KIAA2012: variants seen among roughly 807,000 people sequenced by gnomAD.
The protein encoded by KIAA2012 is KIAA2012.
In KIAA2012, 125 loss-of-function variants were observed where a neutral mutation model predicts 150.6. That is an observed-to-expected ratio of 0.83 (90% CI 0.72 to 0.96). The LOEUF (loss-of-function observed/expected upper bound fraction) is 0.96. KIAA2012 is among the 40% of genes least tolerant of loss of function. The probability of loss-of-function intolerance (pLI) is 0.00; values close to 1 mark genes in which losing one functional copy is unlikely to be tolerated. For synonymous variants in KIAA2012, 462 were observed against 504.7 expected (o/e 0.92, Z 1.13); for missense variants, 1,219 against 1,354.9 (o/e 0.90, Z 1.57).
intron 13 of KIAA2012, among the ~76,000 whole-genome samples, chr2:202,141,858 A>G (rs1256787204): frequency 6.6e-6 from 1 of 152,192 alleles, no homozygotes. Context: ...GGTGACCAGC[A>G]CCTAAAAAGA....
rs923072999 is a variant in KIAA2012, at chr2:202,073,679, A to C, written c.52A>C (p.Lys18Gln). ...GGGCCACGGGAAGCTGGGCCAGGAC[A>C]AACAGAAGTTAGAAGTCTACTTTGA... ...SRGHGKLGQD[K>Q]QKLEVYFEPE... Residue 18 changes from lysine to glutamine, a missense_variant, in exon 1 of 24, where the codon AAA (lysine) becomes CAA (glutamine). Lys to Gln is a moderately conservative substitution (Grantham distance 53). Transcript: ENST00000498697. 3.9e-6 allele frequency: 6 copies of C among 1,550,348 alleles called. No individual in the cohort carries two copies. The highest frequency in any genetic ancestry group is 1.4e-5 in the African/African-American group (1 of 73,024).
At chr2:202,156,825 C>T (rs1376264944) in intron 14 of KIAA2012, among the ~76,000 whole-genome samples, 1 of 152,052 alleles carries the variant, frequency 6.6e-6, no homozygotes, top group Admixed American at 6.5e-5. Context: ...GTGGAGCTTG[C>T]AGTGAGCCCA....
At position 202,104,112 on chromosome 2, in the gene KIAA2012, C is replaced by T. The variant is rs1005596439; in HGVS notation, c.1324+998C>T. ...TGCCTAACGGTGGAGCTTAAAAGAC[C>T]AATGGAAGGGGACATGAAGGAACTT... On this transcript the variant is annotated intron_variant, in intron 8 of 23. Coordinates refer to ENST00000498697, the MANE Select transcript of KIAA2012 (RefSeq NM_001277372.4). The surrounding 1 kb of genome is among the most constrained non-coding windows in gnomAD (Gnocchi z 4.3). 6.6e-6 allele frequency among the ~76,000 whole-genome samples: 1 copy of T among 152,038 alleles called. No individual in the cohort carries two copies. The highest frequency in any genetic ancestry group is 1.5e-5 in the Non-Finnish European group (1 of 67,998).
At chr2:202,154,579 A>G in intron 13 of KIAA2012, 94 bp from the exon 14 acceptor site, 6 of 1,151,390 alleles carry the variant, frequency 5.2e-6, no homozygotes, top group Non-Finnish European at 7.2e-6. Context: ...GATTTTTAAA[A>G]TTGCCTTCTG....
intron 4 of KIAA2012, 136 bp from the exon 5 acceptor site, chr2:202,097,299 A>G (rs66578258): frequency 0.13 from 177,981 of 1,384,948 alleles, 12,378 homozygotes; most frequent in South Asian, 0.19. Flanking sequence ...GAAATACAAA[A>G]TAAGGGAGGA....
At chr2:202,093,284 C>T (rs1689778959) in intron 4 of KIAA2012, 99 bp downstream of exon 4, 4 of 1,268,816 alleles carry the variant, frequency 3.2e-6, no homozygotes, top group Non-Finnish European at 4.4e-6. Context: ...TCTTGAGATT[C>T]TGGGTTGCAT....
At chr2:202,126,768 T>C (rs1290484889) in intron 12 of KIAA2012, among the ~76,000 whole-genome samples, 11 of 152,148 alleles carry the variant, frequency 7.2e-5, no homozygotes, top group Non-Finnish European at 1.5e-5. Context: ...ATCCTATTAT[T>C]ATCTTCATTT....
At chr2:202,136,539 T>A (rs1422988760) in intron 12 of KIAA2012, 1 of 152,448 alleles carries the variant, frequency 6.6e-6, no homozygotes, top group Non-Finnish European at 1.5e-5. Context: ...CACCTCTCAA[T>A]AGCACTCGCT....
chr2:202,199,158 G>A (rs777348102), intron 22 of KIAA2012, among the ~76,000 whole-genome samples: 1 of 152,164 alleles, frequency 6.6e-6, no homozygotes, highest in African/African-American at 2.4e-5. Context: ...AAAGGAATGA[G>A]GGGAAGAGCC....
chr2:202,132,127 G>A (rs1690946180), intron 12 of KIAA2012, among the ~76,000 whole-genome samples: 1 of 152,120 alleles, frequency 6.6e-6, no homozygotes, highest in East Asian at 1.9e-4. Context: ...GGTGAGCCGA[G>A]ATCATGCCAT....
chr2:202,147,021 G>A (rs777081522), intron 13 of KIAA2012, among the ~76,000 whole-genome samples: 11 of 152,210 alleles, frequency 7.2e-5, no homozygotes, highest in Admixed American at 7.2e-4. Context: ...GTACTCCCCT[G>A]TCCCTTTCCT....
At chr2:202,124,467 C>A (rs2105936137) in intron 11 of KIAA2012, among the ~76,000 whole-genome samples, 1 of 152,280 alleles carries the variant, frequency 6.6e-6, no homozygotes, top group African/African-American at 2.4e-5. Flanking sequence ...TCCCTCCTGG[C>A]TCCCCTGGTC....
intron 22 of KIAA2012, 145 bp downstream of exon 22, chr2:202,197,164 G>A: frequency 8.1e-7 from 1 of 1,235,716 alleles, no homozygotes; most frequent in Non-Finnish European, 1.1e-6. Context: ...GGCATAGAGG[G>A]ATTCTTTTGC....
At chr2:202,145,678 C>CTTTTTTTTTTT (rs36059685) in intron 13 of KIAA2012, among the ~76,000 whole-genome samples, 1 of 75,310 alleles carries the variant, frequency 1.3e-5, no homozygotes, top group Non-Finnish European at 2.4e-5. Context: ...TTGAGAGGGT[C>CTTTTTTTTTTT]TTTTTTTTTT....
rs559794409 is a variant in KIAA2012 at position 202,204,992 on chromosome 2, T to C, written c.*21-6T>C. On this transcript the variant is annotated splice_region_variant and splice_polypyrimidine_tract_variant and intron_variant, in intron 23 of 23. Coordinates refer to ENST00000498697, the MANE Select transcript of KIAA2012 (RefSeq NM_001277372.4). ...TGCTGACTTTATTTTCTCCCTTTTG[T>C]TACAGATTTAGGATGTTGCAGTCAA... 3.9e-4 allele frequency: 60 copies of C among 152,336 alleles called. No individual in the cohort carries two copies. The highest frequency in any genetic ancestry group is 1.4e-3 in the African/African-American group (59 of 41,580). The allele number at this position is 152,336 out of a possible 1,614,324, so 9.4% of individuals were successfully genotyped here.
chr2:202,088,012 A>AG (rs199806856), intron 2 of KIAA2012, among the ~76,000 whole-genome samples: 1 of 152,054 alleles, frequency 6.6e-6, no homozygotes, highest in Non-Finnish European at 1.5e-5. Flanking sequence ...AAAAAAAAAA[A>AG]GTATAACAAC....
intron 21 of KIAA2012, among the ~76,000 whole-genome samples, chr2:202,194,776 T>C (rs1479333085): frequency 6.6e-6 from 1 of 152,118 alleles, no homozygotes; most frequent in East Asian, 1.9e-4. Flanking sequence ...TGTTTTTGTT[T>C]TTGTTTTTTT....
Position 202,156,667 on chromosome 2 carries a change from C to T in KIAA2012, c.2046+1857C>T, listed in dbSNP as rs368025289. ...TTGGGAGGCCAAGGCGGGCAGATCACGAGGTCAGGAGATCGAGACCAGCCT... is the reference window on the plus strand; with the variant it reads ...TTGGGAGGCCAAGGCGGGCAGATCATGAGGTCAGGAGATCGAGACCAGCCT... On this transcript the variant is annotated intron_variant, in intron 14 of 23. Transcript: ENST00000498697. Among the ~76,000 whole-genome samples the T allele has an allele frequency of 8.5e-5, 13 of 152,226 alleles. No homozygotes were observed. The South Asian group carries it at 2.7e-3, about 32-fold the overall frequency.
At chr2:202,148,025 G>A (rs1414866584) in intron 13 of KIAA2012, among the ~76,000 whole-genome samples, 1 of 152,152 alleles carries the variant, frequency 6.6e-6, no homozygotes, top group Non-Finnish European at 1.5e-5. Context: ...AGCTCCTGCT[G>A]AGCCAGATAA....
Sources: gnomAD v4.1 joint callset for allele counts (sites outside exome capture counted in the v4.1 genomes callset) on GRCh38, gnomAD v4.1.1 for gene constraint, Gnocchi (gnomAD v3.1) non-coding constraint, MANE v1.5 for transcripts, NCBI Gene and HGNC (gene_info 2026-07-23, HGNC 2026-07-21) for gene names.